ST7: variants seen among roughly 807,000 people sequenced by gnomAD.
ST7 encodes the protein suppression of tumorigenicity 7.
ST7 carries 28 observed loss-of-function variants against 78.7 expected under a neutral mutation model. The observed-to-expected ratio is 0.36, with a 90% CI of 0.26 to 0.49. ST7 has a LOEUF of 0.49. Among genes scored for constraint, ST7 ranks in the 20% least tolerant of loss-of-function variants. The pLI is 0.99. For missense variants in ST7, 418 were observed against 696.0 expected, an observed-to-expected ratio of 0.60 and a Z score of 4.49; for synonymous variants, 247 against 249.6, an observed-to-expected ratio of 0.99 and a Z score of 0.10.
At chr7:117,151,552 C>T (rs1444092061) in intron 9 of ST7, among the ~76,000 whole-genome samples, 2 of 150,942 alleles carry the variant, frequency 1.3e-5, no homozygotes, top group African/African-American at 2.5e-5. Flanking sequence ...CTATTTTTTT[C>T]TTATCTATTT....
chr7:117,146,809 A>C (rs553018472), intron 9 of ST7, among the ~76,000 whole-genome samples: 1 of 152,280 alleles, frequency 6.6e-6, no homozygotes, highest in South Asian at 2.1e-4. Context: ...TTTTTGAGAG[A>C]AAATTACGAG....
chr7:117,098,510 G>A (rs1319828602), intron 1 of ST7: 1 of 211,622 alleles, frequency 4.7e-6, no homozygotes, highest in African/African-American at 2.4e-5. Flanking sequence ...TGTAATAGTT[G>A]CTCATTTGCT....
At chr7:117,221,092 G>A (rs1462354645) in intron 14 of ST7, among the ~76,000 whole-genome samples, 2 of 152,040 alleles carry the variant, frequency 1.3e-5, no homozygotes, top group African/African-American at 4.8e-5. Context: ...CCGCCCCATC[G>A]ACCCAGGCAG....
intron 9 of ST7, among the ~76,000 whole-genome samples, chr7:117,147,370 T>G (rs1044727099): frequency 3.3e-5 from 5 of 152,176 alleles, no homozygotes; most frequent in African/African-American, 1.2e-4. Flanking sequence ...GCAATTTCAC[T>G]CTTCAGAATG....
intron 1 of ST7, among the ~76,000 whole-genome samples, chr7:116,994,068 T>C (rs1412614595): frequency 6.6e-6 from 1 of 152,242 alleles, no homozygotes; most frequent in Non-Finnish European, 1.5e-5. Context: ...ATTAAGTACA[T>C]TCACATTGTT....
intron 9 of ST7, among the ~76,000 whole-genome samples, chr7:117,166,112 G>A (rs1185678243): frequency 1.3e-5 from 2 of 151,858 alleles, no homozygotes; most frequent in Non-Finnish European, 2.9e-5. Context: ...AAATATGAAG[G>A]AAGAAATAAA....
chr7:116,978,324 C>T (rs983414822), intron 1 of ST7, among the ~76,000 whole-genome samples: 3 of 152,148 alleles, frequency 2.0e-5, no homozygotes, highest in Non-Finnish European at 4.4e-5. Flanking sequence ...GCACCAGCTT[C>T]CACAGGATTT....
chr7:117,229,437 C>A (rs1793649628), intron 15 of ST7, among the ~76,000 whole-genome samples: 1 of 152,222 alleles, frequency 6.6e-6, no homozygotes, highest in Non-Finnish European at 1.5e-5. Context: ...TCTGTCATTC[C>A]TGTTTGACGA....
At chr7:117,111,121 G>A (rs1411335372) in intron 2 of ST7, among the ~76,000 whole-genome samples, 1 of 152,146 alleles carries the variant, frequency 6.6e-6, no homozygotes, top group South Asian at 2.1e-4. Context: ...GCCAGGCCTC[G>A]AAATGAACCC....
chr7:116,968,321 T>G, intron 1 of ST7: 1 of 130,204 alleles, frequency 7.7e-6, no homozygotes, highest in African/African-American at 5.7e-5. Context: ...CCTTCCTTCC[T>G]TCCTTCCTTT....
chr7:117,090,984 G>T (rs1265873575), intron 1 of ST7: 1 of 156,378 alleles, frequency 6.4e-6, no homozygotes, highest in African/African-American at 2.4e-5. Context: ...TAGTTTCCCA[G>T]ACCACAACTG....
chr7:116,964,071 ACAG>A (rs937017723), intron 1 of ST7, among the ~76,000 whole-genome samples: 4 of 152,224 alleles, frequency 2.6e-5, no homozygotes, highest in African/African-American at 9.6e-5. Context: ...ACATTTAAAA[ACAG>A]CACAAACAGA....
At chr7:116,988,600 AT>A (rs896793785) in intron 1 of ST7, among the ~76,000 whole-genome samples, 15 of 152,136 alleles carry the variant, frequency 9.9e-5, no homozygotes, top group Non-Finnish European at 2.1e-4. Flanking sequence ...GATAAAGCAG[AT>A]TTTTTTCATT....
At chr7:117,222,525 G>T (rs1008411221) in intron 15 of ST7, among the ~76,000 whole-genome samples, 2 of 152,080 alleles carry the variant, frequency 1.3e-5, no homozygotes, top group Non-Finnish European at 1.5e-5. Flanking sequence ...ATGAACAGAG[G>T]GTGTAAAGGG....
chr7:117,181,547 C>A (rs949723656), intron 10 of ST7, among the ~76,000 whole-genome samples: 1 of 152,138 alleles, frequency 6.6e-6, no homozygotes, highest in African/African-American at 2.4e-5. Context: ...TCGTCTGTAT[C>A]TTGTGGTAGT....
At chr7:117,206,578 A>C (rs1791781679) in intron 12 of ST7, among the ~76,000 whole-genome samples, 1 of 152,178 alleles carries the variant, frequency 6.6e-6, no homozygotes, top group Non-Finnish European at 1.5e-5. Context: ...GGCCATATGT[A>C]TCCCATTGAT....
intron 1 of ST7, among the ~76,000 whole-genome samples, chr7:117,083,020 C>T (rs760363251): frequency 2.6e-5 from 4 of 152,060 alleles, no homozygotes; most frequent in African/African-American, 4.8e-5. Context: ...AACTATTGAA[C>T]ACCTTCCATT....
intron 9 of ST7, among the ~76,000 whole-genome samples, chr7:117,158,211 C>A (rs1806855729): frequency 6.6e-6 from 1 of 152,166 alleles, no homozygotes; most frequent in Non-Finnish European, 1.5e-5. Context: ...TTGAAGATTT[C>A]CAAGTTTTGA....
intron 2 of ST7, among the ~76,000 whole-genome samples, chr7:117,114,029 C>T (rs1007522908): frequency 6.6e-6 from 1 of 152,090 alleles, no homozygotes; most frequent in South Asian, 2.1e-4. Flanking sequence ...GCCTTACTTC[C>T]CTGTGTTTTC....
Sources: gnomAD v4.1 joint callset for allele counts (sites outside exome capture counted in the v4.1 genomes callset) on GRCh38, gnomAD v4.1.1 for gene constraint, MANE v1.5 for transcripts, NCBI Gene and HGNC (gene_info 2026-07-23, HGNC 2026-07-21) for gene names.